Variants in SOX6 observed in about 807,000 individuals in gnomAD.
SOX6 encodes the protein transcription factor SOX-6.
SOX6 carries 11 observed loss-of-function variants against 97.8 expected under a neutral mutation model. That is an observed-to-expected ratio of 0.11 (90% CI 0.07 to 0.19). The LOEUF (loss-of-function observed/expected upper bound fraction) is 0.19. Among genes scored for constraint, SOX6 ranks in the 10% least tolerant of loss-of-function variants. The pLI, the probability that SOX6 is intolerant of heterozygous loss-of-function variation, is 1.00. For synonymous variants in SOX6, 360 were observed against 371.4 expected, an observed-to-expected ratio of 0.97 and a Z score of 0.35; for missense variants, 810 against 1,039.5, an observed-to-expected ratio of 0.78 and a Z score of 3.04.
At chr11:16,565,493 A>G (rs1311698523) in intron 4 of SOX6, among the ~76,000 whole-genome samples, 1 of 152,146 alleles carries the variant, frequency 6.6e-6, no homozygotes, top group Admixed American at 6.5e-5. Context: ...TATGATACAA[A>G]AAAAAAACAA....
chr11:16,707,767 A>C (rs1361984152), intron 3 of SOX6, among the ~76,000 whole-genome samples: 1 of 152,186 alleles, frequency 6.6e-6, no homozygotes, highest in African/African-American at 2.4e-5. Context: ...AAAGTAAATA[A>C]ATTGAAGTAA....
chr11:16,050,031 C>T, intron 10 of SOX6, 93 bp from the exon 11 acceptor site: 1 of 1,251,182 alleles, frequency 8.0e-7, no homozygotes, highest in Non-Finnish European at 1.2e-6. Flanking sequence ...ACCTCAGAGA[C>T]AATGCCACAT....
chr11:16,468,897 A>T (rs1159316097), intron 1 of SOX6, among the ~76,000 whole-genome samples: 1 of 152,172 alleles, frequency 6.6e-6, no homozygotes, highest in Non-Finnish European at 1.5e-5. Context: ...TTCACATTTA[A>T]GATTATGACA....
rs554039059 is a variant in SOX6 at position 16,560,073 on chromosome 11, A to G, written n.609+52008T>C. ...GACTGCCCTTAAGAGCAATGGCTCA[A>G]GAAAATGCAAATCAAGTCCAATTCT... On this transcript the variant is annotated intron_variant and non_coding_transcript_variant, in intron 4 of 5. Coordinates refer to the SOX6 transcript ENST00000524520. Among the ~76,000 whole-genome samples the G allele has an allele frequency of 1.5e-4, 23 of 152,332 alleles. No homozygotes were observed. The South Asian group carries it at 3.9e-3, about 26-fold the overall frequency.
chr11:16,587,737 T>C (rs1848110752), intron 4 of SOX6, among the ~76,000 whole-genome samples: 2 of 152,234 alleles, frequency 1.3e-5, no homozygotes, highest in Non-Finnish European at 2.9e-5. Context: ...TTATTCTCCT[T>C]CTCTTGAGTG....
In SOX6 at chr11:16,560,767, TGGAA is replaced by T. The variant is rs529735642; in HGVS notation, n.609+51310_609+51313del. On this transcript the variant is annotated intron_variant and non_coding_transcript_variant, in intron 4 of 5. Coordinates refer to the SOX6 transcript ENST00000524520. ...GAAACAATCTACCTACAACACAAAC[TGGAA>T]GGAAGGAAGGTAAGAAAGAAGGAAG... Among the ~76,000 whole-genome samples the T allele has an allele frequency of 8.5e-5, 13 of 152,166 alleles. No individual in the cohort carries two copies. The East Asian group carries it at 2.5e-3, about 29-fold the overall frequency.
intron 4 of SOX6, among the ~76,000 whole-genome samples, chr11:16,593,031 G>A (rs1462141598): frequency 1.3e-5 from 2 of 151,514 alleles, no homozygotes; most frequent in Non-Finnish European, 2.9e-5. Context: ...AGATACTGGA[G>A]TTATCAGCAA....
In SOX6 at chr11:16,486,451, T is replaced by C. The variant is rs555166078; in HGVS notation, n.610-10063A>G. Among the ~76,000 whole-genome samples, 12 of 152,266 alleles carry C rather than the reference T, an allele frequency of 7.9e-5. No individual in the cohort carries two copies. In the South Asian group the frequency reaches 1.4e-3, roughly 18 times the overall value. ...GATTTCAGAGATAACAACTTAATAATAGTTTTTAAAAAGGCAAAGAGGGTC... is the reference window on the plus strand; with the variant it reads ...GATTTCAGAGATAACAACTTAATAACAGTTTTTAAAAAGGCAAAGAGGGTC... On this transcript the variant is annotated intron_variant and non_coding_transcript_variant, in intron 4 of 5. Coordinates refer to the SOX6 transcript ENST00000524520.
chr11:16,672,156 T>A (rs1332850556), intron 3 of SOX6, among the ~76,000 whole-genome samples: 1 of 152,146 alleles, frequency 6.6e-6, no homozygotes, highest in African/African-American at 2.4e-5. Context: ...GAGCACTAAA[T>A]ATAGAAAGGA....
intron 4 of SOX6, among the ~76,000 whole-genome samples, chr11:16,491,891 C>T (rs1433848177): frequency 1.3e-5 from 2 of 152,060 alleles, no homozygotes; most frequent in African/African-American, 2.4e-5. Flanking sequence ...ACTAGAGATT[C>T]CGAACCTGCG....
intron 1 of SOX6, among the ~76,000 whole-genome samples, chr11:16,370,981 G>C (rs1857481205): frequency 6.6e-6 from 1 of 151,836 alleles, no homozygotes; most frequent in African/African-American, 2.4e-5. Flanking sequence ...CAACCAAAAT[G>C]ATCCTTTTAA....
intron 3 of SOX6, among the ~76,000 whole-genome samples, chr11:16,619,636 CAAAG>C (rs1391467363): frequency 4.6e-5 from 7 of 151,950 alleles, no homozygotes; most frequent in Admixed American, 1.3e-4. Flanking sequence ...AATTTTTAAA[CAAAG>C]AGAGAAGGAA....
chr11:16,130,123 CA>C (rs1849704500), intron 6 of SOX6, among the ~76,000 whole-genome samples: 1 of 151,352 alleles, frequency 6.6e-6, no homozygotes, highest in Admixed American at 6.6e-5. Flanking sequence ...AGGCCAATAA[CA>C]AAAATAAATT....
intron 4 of SOX6, among the ~76,000 whole-genome samples, chr11:16,556,001 A>G (rs1025870643): frequency 6.6e-6 from 1 of 151,712 alleles, no homozygotes; most frequent in Non-Finnish European, 1.5e-5. Flanking sequence ...AAAGGAAAAC[A>G]AAAGTCTGTT....
At chr11:16,434,011 A>G (rs1859323202) in intron 1 of SOX6, 1 of 151,984 alleles carries the variant, frequency 6.6e-6, no homozygotes, top group African/African-American at 2.4e-5. Context: ...CACTTTCTCA[A>G]AAAAAAGTAA....
intron 1 of SOX6, among the ~76,000 whole-genome samples, chr11:16,379,955 A>T (rs986507184): frequency 1.3e-5 from 2 of 151,958 alleles, no homozygotes; most frequent in African/African-American, 4.8e-5. Context: ...ATGATATACC[A>T]TTAAATTAAA....
At chr11:16,720,330 T>C (rs1207473464) in intron 2 of SOX6, among the ~76,000 whole-genome samples, 4 of 141,420 alleles carry the variant, frequency 2.8e-5, no homozygotes, top group Non-Finnish European at 6.1e-5. Context: ...TAAGAAAATG[T>C]GGCACATATA....
chr11:16,603,935 A>G (rs1056998751), intron 4 of SOX6, among the ~76,000 whole-genome samples: 7 of 152,246 alleles, frequency 4.6e-5, no homozygotes, highest in Admixed American at 4.6e-4. Context: ...AACCCAGAAC[A>G]GAGCTGAGCG....
chr11:16,157,044 TA>T (rs1850622322), intron 6 of SOX6, among the ~76,000 whole-genome samples: 1 of 152,082 alleles, frequency 6.6e-6, no homozygotes, highest in South Asian at 2.1e-4. Flanking sequence ...TGTAATTAAA[TA>T]AACACCTATC....
Sources: gnomAD v4.1 joint callset for allele counts (sites outside exome capture counted in the v4.1 genomes callset) on GRCh38, gnomAD v4.1.1 for gene constraint, MANE v1.5 for transcripts, NCBI Gene and HGNC (gene_info 2026-07-23, HGNC 2026-07-21) for gene names.